The following SPTLC3 variants were observed in gnomAD, a reference collection of about 807,000 sequenced individuals.
SPTLC3 encodes serine palmitoyltransferase 3.
Under a neutral mutation model 59.3 loss-of-function variants are expected in SPTLC3, and 36 were observed. The observed-to-expected ratio is 0.61, with a 90% CI of 0.47 to 0.80. The LOEUF (loss-of-function observed/expected upper bound fraction) is 0.80, where lower values mean the gene tolerates loss of function less well. Ranked by LOEUF, SPTLC3 falls within the 30% of genes least tolerant of loss-of-function variation. SPTLC3 has a pLI of 0.00. For missense variants in SPTLC3, 625 were observed against 685.1 expected (o/e 0.91, Z 0.98); for synonymous variants, 257 against 240.8 (o/e 1.07, Z -0.62).
intron 1 of SPTLC3, among the ~76,000 whole-genome samples, chr20:13,014,275 A>G (rs1391519439): frequency 6.6e-6 from 1 of 152,218 alleles, no homozygotes; most frequent in Non-Finnish European, 1.5e-5. Flanking sequence ...GAAATAGTCC[A>G]CCACAATAGA....
chr20:13,028,996 A>C (rs1190490856), intron 1 of SPTLC3, among the ~76,000 whole-genome samples: 1 of 152,204 alleles, frequency 6.6e-6, no homozygotes, highest in East Asian at 1.9e-4. Flanking sequence ...TTTGCCTGTA[A>C]CACTGTACTC....
At chr20:13,086,785 CTTCTT>C (rs1212054462) in intron 4 of SPTLC3, among the ~76,000 whole-genome samples, 4 of 151,578 alleles carry the variant, frequency 2.6e-5, no homozygotes, top group Non-Finnish European at 5.9e-5. Flanking sequence ...TTTCCTTTTC[CTTCTT>C]TTCTTTTCTT....
rs541131988 is a variant in SPTLC3, at chr20:13,136,942, A to G, written c.1279+10225A>G. 6.6e-5 allele frequency among the ~76,000 whole-genome samples: 10 copies of G among 152,164 alleles called. No individual in the cohort carries two copies. The South Asian group carries it at 2.1e-3, about 32-fold the overall frequency. ...AGATACTATCCAGATAACTACTTCAATTCTCTACTTTCCATAGGAAGAAAA... is the reference window on the plus strand; with the variant it reads ...AGATACTATCCAGATAACTACTTCAGTTCTCTACTTTCCATAGGAAGAAAA... On this transcript the variant is annotated intron_variant, in intron 9 of 11. Transcript: ENST00000399002.
chr20:13,018,744 T>C (rs2122378077), intron 1 of SPTLC3, among the ~76,000 whole-genome samples: 1 of 152,334 alleles, frequency 6.6e-6, no homozygotes, highest in South Asian at 2.1e-4. Flanking sequence ...ACCTAATTAA[T>C]TGCAAGAAGT....
intron 7 of SPTLC3, among the ~76,000 whole-genome samples, chr20:13,112,196 T>C (rs1011966714): frequency 1.3e-5 from 2 of 152,222 alleles, no homozygotes; most frequent in African/African-American, 2.4e-5. Flanking sequence ...GTTGGAGGCC[T>C]CTCATGGAGG....
intron 1 of SPTLC3, among the ~76,000 whole-genome samples, chr20:13,031,072 C>T (rs112682345): frequency 1.4e-4 from 22 of 152,214 alleles, no homozygotes; most frequent in African/African-American, 4.3e-4. Flanking sequence ...GCCACTGCAC[C>T]GGAAATGCAG....
At chr20:13,084,200 G>A (rs571031437) in intron 4 of SPTLC3, among the ~76,000 whole-genome samples, 23 of 152,130 alleles carry the variant, frequency 1.5e-4, no homozygotes, top group Non-Finnish European at 2.1e-4. Context: ...ACCTCTCTAC[G>A]AACAAAAGAC....
chr20:13,092,600 T>C (rs1989265175), intron 5 of SPTLC3, among the ~76,000 whole-genome samples: 1 of 152,240 alleles, frequency 6.6e-6, no homozygotes, highest in South Asian at 2.1e-4. Context: ...GAGAATGTCC[T>C]GTTCTTAGGG....
chr20:13,064,931 G>C (rs1452455964), intron 2 of SPTLC3, among the ~76,000 whole-genome samples: 1 of 151,986 alleles, frequency 6.6e-6, no homozygotes, highest in East Asian at 1.9e-4. Flanking sequence ...TTTTAATCAT[G>C]ACATAATTTG....
At chr20:13,147,143 G>A (rs1462029160) in intron 9 of SPTLC3, among the ~76,000 whole-genome samples, 2 of 152,162 alleles carry the variant, frequency 1.3e-5, no homozygotes, top group African/African-American at 2.4e-5. Flanking sequence ...CTGCTCCTGC[G>A]TGCATTCCAC....
At chr20:13,071,048 G>C (rs542890148) in intron 2 of SPTLC3, among the ~76,000 whole-genome samples, 1 of 152,074 alleles carries the variant, frequency 6.6e-6, no homozygotes, top group African/African-American at 2.4e-5. Flanking sequence ...GTAATCCCAC[G>C]AATGTCCAAA....
At chr20:13,151,623 A>C (rs909529473) in intron 9 of SPTLC3, among the ~76,000 whole-genome samples, 2 of 152,230 alleles carry the variant, frequency 1.3e-5, no homozygotes, top group African/African-American at 4.8e-5. Flanking sequence ...GTTCCACTCA[A>C]CTAAATCTCC....
At position 13,072,258 on chromosome 20, in the gene SPTLC3, T is replaced by C. The variant is rs1988466395; in HGVS notation, c.306T>C (p.Asp102=). The C allele has an allele frequency of 6.2e-7, 1 of 1,610,390 alleles. No individual in the cohort carries two copies. Among genetic ancestry groups the C allele is most frequent in the Non-Finnish European group, 8.5e-7 (1 of 1,178,922 alleles). ...ACCTTCTACCTCTGTTCTAACAGGA[T>C]TTTGTGCCACTGTATCAAGACTTTG... is the stretch of plus-strand genomic sequence containing the variant. ...NAAVERKEQK[D]FVPLYQDFEN... The change falls in exon 3 of 12, where the codon GAT becomes GAC. Residue 102 remains aspartate, a splice_region_variant and synonymous_variant. Transcript: ENST00000399002.
chr20:13,091,169 G>A lies in SPTLC3; in HGVS notation c.694G>A (p.Ala232Thr), dbSNP rs375500511. 8.1e-6 allele frequency: 13 copies of A among 1,613,738 alleles called. No homozygotes were observed. The highest frequency in any genetic ancestry group is 1.3e-5 in the African/African-American group (1 of 74,918). ...EAAMVFGMGF[A>T]TNSMNIPALV... is the part of the protein sequence containing the mutation. ...AGCTATGGTCTTTGGGATGGGATTCGCAACTAACTCAATGAATATCCCAGC... is the reference window on the plus strand; with the variant it reads ...AGCTATGGTCTTTGGGATGGGATTCACAACTAACTCAATGAATATCCCAGC... The change falls in exon 5 of 12, where the codon GCA (alanine) becomes ACA (threonine). Residue 232 changes from alanine (A) to threonine (T), a missense_variant. Physicochemically the swap from Ala to Thr is moderately conservative, Grantham distance 58 (BLOSUM62 0). Coordinates refer to ENST00000399002, the MANE Select transcript of SPTLC3 (RefSeq NM_018327.4).
rs1989301280 is a variant in SPTLC3 at position 13,093,477 on chromosome 20, T to C, written c.733-7T>C. The C allele has an allele frequency of 6.2e-7, 1 of 1,611,816 alleles. No homozygotes were observed. Among genetic ancestry groups the C allele is most frequent in the African/African-American group, 1.3e-5 (1 of 74,842 alleles). ...GCTTGTGTTTTGTGTGCTTGTTTTC[T>C]GCACAGGGATGCCTCATTTTAAGTG... is the stretch of plus-strand genomic sequence containing the variant. On this transcript the variant is annotated splice_region_variant and splice_polypyrimidine_tract_variant and intron_variant, in intron 5 of 11. Transcript: ENST00000399002.
intron 6 of SPTLC3, among the ~76,000 whole-genome samples, chr20:13,099,014 T>C (rs1989515617): frequency 6.6e-6 from 1 of 152,114 alleles, no homozygotes; most frequent in African/African-American, 2.4e-5. Flanking sequence ...ATGCTCACCC[T>C]CCAAAGACGT....
At chr20:13,115,914 AG>A (rs1158122057) in intron 7 of SPTLC3, among the ~76,000 whole-genome samples, 1 of 152,216 alleles carries the variant, frequency 6.6e-6, no homozygotes, top group African/African-American at 2.4e-5. Flanking sequence ...CCAAGCTCAC[AG>A]TTAGTAAGCT....
intron 4 of SPTLC3, among the ~76,000 whole-genome samples, chr20:13,086,676 G>A (rs1190948542): frequency 6.6e-6 from 1 of 152,190 alleles, no homozygotes; most frequent in Non-Finnish European, 1.5e-5. Context: ...TGCTAACCAT[G>A]TGCCCACTGG....
At position 13,117,513 on chromosome 20, in the gene SPTLC3, G is replaced by A; in HGVS notation, c.940G>A (p.Gly314Ser). Reference sequence around the variant, plus strand: ...TTTCTCCTTCTGCCCTAGCATGGAAGGTTCCATCGTGCATCTGCCCCAGAT... The same window carrying A: ...TTTCTCCTTCTGCCCTAGCATGGAAAGTTCCATCGTGCATCTGCCCCAGAT... ...ILVEGVYSME[G>S]SIVHLPQIIA... Residue 314 changes from glycine to serine, a missense_variant, in exon 8 of 12, where the codon GGT becomes AGT. Coordinates refer to ENST00000399002, the MANE Select transcript of SPTLC3 (RefSeq NM_018327.4). 6.3e-7 allele frequency: 1 copy of A among 1,588,220 alleles called. No homozygotes were observed. Among genetic ancestry groups the A allele is most frequent in the Non-Finnish European group, 8.6e-7 (1 of 1,168,052 alleles).
Sources: gnomAD v4.1 joint callset for allele counts (sites outside exome capture counted in the v4.1 genomes callset) on GRCh38, gnomAD v4.1.1 for gene constraint, MANE v1.5 for transcripts, NCBI Gene and HGNC (gene_info 2026-07-23, HGNC 2026-07-21) for gene names.